The following WASF3 variants were observed in gnomAD, a reference collection of about 807,000 sequenced individuals.
WASF3 encodes WASP family member 3, also known as actin-binding protein WASF3.
WASF3 carries 11 observed loss-of-function variants against 46.6 expected under a neutral mutation model. That is an observed-to-expected ratio of 0.24 (90% CI 0.15 to 0.39). WASF3 has a LOEUF of 0.39. Among genes scored for constraint, WASF3 ranks in the 10% least tolerant of loss-of-function variants. WASF3 has a pLI of 1.00. For missense variants in WASF3, 576 were observed against 669.8 expected, an observed-to-expected ratio of 0.86 and a Z score of 1.55; for synonymous variants, 242 against 259.7, an observed-to-expected ratio of 0.93 and a Z score of 0.65.
At position 26,608,820 on chromosome 13, in the gene WASF3, T is replaced by C. The variant is rs1257424683; in HGVS notation, c.-108-4141T>C. Among the ~76,000 whole-genome samples, 7 of 152,338 alleles carry C rather than the reference T, an allele frequency of 4.6e-5. No homozygotes were observed. In the East Asian group the frequency reaches 7.7e-4, roughly 17 times the overall value. On this transcript the variant is annotated intron_variant, in intron 1 of 9. Transcript: ENST00000335327. ...TCATATTCGACATTCTTACGAGATATATTTCTCTGAATCTAGGAGTGGTTA... is the reference window on the plus strand; with the variant it reads ...TCATATTCGACATTCTTACGAGATACATTTCTCTGAATCTAGGAGTGGTTA...
Position 26,558,958 on chromosome 13 carries a change from T to C in WASF3, c.-109+1139T>C, listed in dbSNP as rs184896654. Among the ~76,000 whole-genome samples the C allele has an allele frequency of 1.1e-3, 175 of 152,350 alleles. 1 individual carries two copies. The highest frequency in any genetic ancestry group is 4.1e-3 in the African/African-American group (171 of 41,578). ...CTCTATCAAAACTAAGTTCAAAGTA[T>C]TGTAATTGACTAATCTTTCTATTGT... On this transcript the variant is annotated intron_variant, in intron 1 of 9. Transcript: ENST00000335327.
chr13:26,671,504 A>T, intron 5 of WASF3, among the ~76,000 whole-genome samples: 1 of 152,214 alleles, frequency 6.6e-6, no homozygotes, highest in African/African-American at 2.4e-5. Flanking sequence ...TCTTAGTAAG[A>T]ATCCATCCAT....
At chr13:26,569,992 T>G (rs893114516) in intron 1 of WASF3, among the ~76,000 whole-genome samples, 2 of 152,162 alleles carry the variant, frequency 1.3e-5, no homozygotes, top group Admixed American at 6.5e-5. Flanking sequence ...TCATTTAAAT[T>G]ATACCTTGAT....
At chr13:26,684,243 C>T (rs911990528) in intron 9 of WASF3, among the ~76,000 whole-genome samples, 1 of 151,226 alleles carries the variant, frequency 6.6e-6, no homozygotes, top group East Asian at 1.9e-4. Context: ...ATATCAAGTT[C>T]GGGGTCATTG....
chr13:26,670,562 G>T (rs71431797), intron 5 of WASF3, among the ~76,000 whole-genome samples: 1 of 152,050 alleles, frequency 6.6e-6, no homozygotes, highest in African/African-American at 2.4e-5. Context: ...GTGAGTTCCC[G>T]CCTTCATGAA....
chr13:26,581,953 G>A (rs1409490527), intron 1 of WASF3, among the ~76,000 whole-genome samples: 1 of 152,208 alleles, frequency 6.6e-6, no homozygotes, highest in Non-Finnish European at 1.5e-5. Flanking sequence ...GTATTTGATA[G>A]ATTTGTGGTT....
At chr13:26,658,179 A>T (rs1882522582) in intron 3 of WASF3, among the ~76,000 whole-genome samples, 1 of 152,122 alleles carries the variant, frequency 6.6e-6, no homozygotes, top group South Asian at 2.1e-4. Context: ...CCTATTAATT[A>T]GTTTTCTGTA....
At chr13:26,577,696 A>T (rs1879842981) in intron 1 of WASF3, 1 of 907,240 alleles carries the variant, frequency 1.1e-6, no homozygotes, top group Non-Finnish European at 1.7e-6. Context: ...ACTTATAATA[A>T]TGGCAAGTAA....
At chr13:26,571,835 C>T (rs1418695659) in intron 1 of WASF3, among the ~76,000 whole-genome samples, 1 of 152,208 alleles carries the variant, frequency 6.6e-6, no homozygotes, top group Non-Finnish European at 1.5e-5. Flanking sequence ...GTTGTGATGT[C>T]TTAGCCAAGA....
intron 1 of WASF3, among the ~76,000 whole-genome samples, chr13:26,612,375 A>G (rs1360755491): frequency 1.3e-5 from 2 of 152,240 alleles, no homozygotes; most frequent in Non-Finnish European, 2.9e-5. Context: ...ATTGGTATAC[A>G]ACATTGATCA....
chr13:26,668,981 A>G lies in WASF3; in HGVS notation c.422+1311A>G, dbSNP rs1441593428. Reference sequence around the variant, plus strand: ...CACAATGTAACATGTAGGCTTGCTCATGAAAACTTTCTACCTGCCGTTGCT... The same window carrying G: ...CACAATGTAACATGTAGGCTTGCTCGTGAAAACTTTCTACCTGCCGTTGCT... On this transcript the variant is annotated intron_variant, in intron 5 of 9. Transcript: ENST00000335327. Among the ~76,000 whole-genome samples, 5 of 152,182 alleles carry G rather than the reference A, an allele frequency of 3.3e-5. No individual in the cohort carries two copies. In the East Asian group the frequency reaches 9.6e-4, roughly 29 times the overall value.
chr13:26,597,824 C>A (rs909999863), intron 1 of WASF3, among the ~76,000 whole-genome samples: 1 of 152,162 alleles, frequency 6.6e-6, no homozygotes, highest in African/African-American at 2.4e-5. Flanking sequence ...CATAGTATTC[C>A]ATGGTGTATA....
In WASF3 at chr13:26,593,885, T is replaced by C. The variant is rs189784482; in HGVS notation, c.-108-19076T>C. The stretch of plus-strand genomic sequence containing the variant: ...AATAATTTATAGCTCTAACATAGTT[T>C]GCTTTAAATCAGTTCCTTCCTTTGG... On this transcript the variant is annotated intron_variant, in intron 1 of 9. Transcript: ENST00000335327. Among the ~76,000 whole-genome samples, 145 of 152,344 alleles carry C rather than the reference T, an allele frequency of 9.5e-4. 1 individual carries two copies. Among genetic ancestry groups the C allele is most frequent in the African/African-American group, 3.4e-3 (141 of 41,584 alleles).
At chr13:26,658,777 G>A (rs1479436940) in intron 3 of WASF3, among the ~76,000 whole-genome samples, 2 of 152,212 alleles carry the variant, frequency 1.3e-5, no homozygotes, top group Non-Finnish European at 2.9e-5. Context: ...GTTCCCTGAC[G>A]AGTCCTGTGA....
At chr13:26,618,008 G>A (rs1051373705) in intron 2 of WASF3, among the ~76,000 whole-genome samples, 7 of 152,074 alleles carry the variant, frequency 4.6e-5, no homozygotes, top group South Asian at 2.1e-4. Flanking sequence ...CCCCAGCCAC[G>A]TGAAACTGTG....
chr13:26,668,780 G>A (rs550024448), intron 5 of WASF3, among the ~76,000 whole-genome samples: 4 of 152,148 alleles, frequency 2.6e-5, no homozygotes, highest in East Asian at 1.9e-4. Flanking sequence ...AAGATGCCAC[G>A]CCTTTTTATG....
chr13:26,599,401 T>C (rs369834427), intron 1 of WASF3, among the ~76,000 whole-genome samples: 3 of 152,254 alleles, frequency 2.0e-5, no homozygotes, highest in South Asian at 2.1e-4. Context: ...TCCACTTACT[T>C]GCCTTCCTCC....
intron 1 of WASF3, among the ~76,000 whole-genome samples, chr13:26,562,898 TTCTTTTCTTTTC>T (rs555139054): frequency 0.012 from 635 of 51,164 alleles, 6 homozygotes; most frequent in African/African-American, 0.047. Flanking sequence ...TCCCTCCCTT[TTCTTTTCTTTTC>T]TCTTTTCTTT....
intron 7 of WASF3, among the ~76,000 whole-genome samples, chr13:26,677,973 T>C (rs1479881522): frequency 6.6e-6 from 1 of 151,492 alleles, no homozygotes; most frequent in African/African-American, 2.4e-5. Flanking sequence ...TTTTTAAAAA[T>C]CTCTCAGTTG....
Sources: allele counts gnomAD v4.1 joint callset (sites outside exome capture counted in the v4.1 genomes callset), GRCh38; gene constraint gnomAD v4.1.1; transcripts MANE v1.5; gene names NCBI Gene and HGNC (gene_info 2026-07-23, HGNC 2026-07-21).